FGFR2: variants seen among roughly 807,000 people sequenced by gnomAD.
FGFR2 encodes the protein BEK fibroblast growth factor receptor.
Under a neutral mutation model 95.9 loss-of-function variants are expected in FGFR2, and 19 were observed. The observed-to-expected ratio is 0.20, with a 90% CI of 0.14 to 0.29. The LOEUF (loss-of-function observed/expected upper bound fraction) is 0.29. FGFR2 is among the 10% of genes least tolerant of loss of function. The pLI, the probability that FGFR2 is intolerant of heterozygous loss-of-function variation, is 1.00. For synonymous variants in FGFR2, 392 were observed against 393.3 expected (o/e 1.00, Z 0.04); for missense variants, 707 against 1,056.9 (o/e 0.67, Z 4.59).
At chr10:121,565,349 C>T (rs2135105125) in intron 3 of FGFR2, 89 bp downstream of exon 3, 2 of 1,552,310 alleles carry the variant, frequency 1.3e-6, no homozygotes, top group Non-Finnish European at 1.8e-6. Flanking sequence ...CATCCAATTA[C>T]AATTAGAGAT....
At chr10:121,562,574 C>T (rs567967484) in intron 4 of FGFR2, among the ~76,000 whole-genome samples, 4 of 152,298 alleles carry the variant, frequency 2.6e-5, no homozygotes, top group East Asian at 3.9e-4. Flanking sequence ...GCGTGAGCAA[C>T]GGTGCCCAGC....
chr10:121,589,846 C>G (rs1862368826), intron 2 of FGFR2, among the ~76,000 whole-genome samples: 1 of 152,204 alleles, frequency 6.6e-6, no homozygotes, highest in Non-Finnish European at 1.5e-5. Flanking sequence ...AATATTAACA[C>G]TCATATTGAA....
chr10:121,535,514 C>A (rs1049579579), intron 6 of FGFR2, among the ~76,000 whole-genome samples: 3 of 152,204 alleles, frequency 2.0e-5, no homozygotes, highest in African/African-American at 7.2e-5. Context: ...AAGGAAAGTG[C>A]AATGAGTCAT....
At chr10:121,594,453 T>A (rs552373914) in intron 1 of FGFR2, among the ~76,000 whole-genome samples, 1 of 152,346 alleles carries the variant, frequency 6.6e-6, no homozygotes. Flanking sequence ...GTATTTCTGC[T>A]GGGCTGGAGG....
intron 5 of FGFR2, 151 bp from the exon 6 acceptor site, chr10:121,538,866 G>A (rs561573904): frequency 3.0e-5 from 30 of 995,796 alleles, no homozygotes; most frequent in Non-Finnish European, 3.1e-5. Context: ...ATTAAGAATC[G>A]TGAGAAATGA....
In FGFR2 at chr10:121,520,062, G is replaced by T. The variant is rs778094013; in HGVS notation, c.856C>A (p.Pro286Thr). 1 of 1,614,212 alleles carries T rather than the reference G, an allele frequency of 6.2e-7. No individual in the cohort carries two copies. The highest frequency in any genetic ancestry group is 8.5e-7 in the Non-Finnish European group (1 of 1,180,022). Residue 286 changes from proline (P) to threonine (T), a missense_variant, in exon 7 of 18, where the codon CCC becomes ACC. Transcript: ENST00000358487. ...FVCKVYSDAQ[P>T]HIQWIKHVEK... ...ACGTGCTTGATCCACTGGATGTGGG[G>T]CTGGGCATCACTGTAAACCTTGCAG...
intron 14 of FGFR2, 26 bp downstream of exon 14, chr10:121,487,965 C>T (rs2133833470): frequency 6.2e-7 from 1 of 1,613,958 alleles, no homozygotes. Flanking sequence ...CCGCCCCTGC[C>T]CACTGTGTTA....
chr10:121,504,506 A>C (rs574193668), intron 9 of FGFR2, among the ~76,000 whole-genome samples: 4 of 152,282 alleles, frequency 2.6e-5, no homozygotes, highest in African/African-American at 7.2e-5. Flanking sequence ...CCTTTAACTC[A>C]AAATAACCCC....
intron 2 of FGFR2, among the ~76,000 whole-genome samples, chr10:121,573,285 T>C (rs1457196400): frequency 6.6e-6 from 1 of 152,106 alleles, no homozygotes; most frequent in Non-Finnish European, 1.5e-5. Context: ...AAAAAAGCAG[T>C]TTCTACCAAC....
At chr10:121,510,047 C>G (rs1228619389) in intron 9 of FGFR2, among the ~76,000 whole-genome samples, 1 of 152,126 alleles carries the variant, frequency 6.6e-6, no homozygotes, top group Non-Finnish European at 1.5e-5. Flanking sequence ...GCCCACCACT[C>G]CCCTATGGCC....
chr10:121,500,797 C>T (rs1184920715), intron 11 of FGFR2, 29 bp downstream of exon 11: 2 of 1,612,670 alleles, frequency 1.2e-6, no homozygotes, highest in Admixed American at 3.3e-5. Context: ...CACCCAGCCC[C>T]TCCCCGAGCC....
At chr10:121,541,882 T>G (rs1853809543) in intron 5 of FGFR2, among the ~76,000 whole-genome samples, 1 of 152,366 alleles carries the variant, frequency 6.6e-6, no homozygotes, top group South Asian at 2.1e-4. Flanking sequence ...AGCACACATT[T>G]TTTTTGATCT....
rs1845271244 is a variant in FGFR2, at chr10:121,485,333, G to C, written c.2195+62C>G. 1 of 1,605,520 alleles carries C rather than the reference G, an allele frequency of 6.2e-7. No homozygotes were observed. Among genetic ancestry groups the C allele is most frequent in the Non-Finnish European group, 8.5e-7 (1 of 1,172,670 alleles). The stretch of plus-strand genomic sequence containing the variant: ...GGCCTTCAAAAACGAGATACATCAG[G>C]AGAGGTATTACTGGTGTGGCAAGTC... On this transcript the variant is annotated intron_variant, in intron 16 of 17. Transcript: ENST00000358487. This position sits in a 1 kb window ranked among gnomAD's most constrained non-coding sequence, Gnocchi z 4.2.
intron 16 of FGFR2, 50 bp from the exon 17 acceptor site, chr10:121,483,853 G>C: frequency 7.1e-7 from 1 of 1,406,928 alleles, no homozygotes; most frequent in Non-Finnish European, 1.0e-6. Context: ...CTGGGTACGT[G>C]GTTATAGTCA....
intron 2 of FGFR2, among the ~76,000 whole-genome samples, chr10:121,582,349 G>A (rs1207065410): frequency 1.3e-5 from 2 of 152,072 alleles, no homozygotes; most frequent in Non-Finnish European, 2.9e-5. Context: ...ATTATTTGGG[G>A]AGCAAATGGA....
chr10:121,487,572 C>G, intron 14 of FGFR2, 148 bp from the exon 15 acceptor site: 1 of 715,644 alleles, frequency 1.4e-6, no homozygotes, highest in Non-Finnish European at 2.5e-6. Flanking sequence ...CAATGAGGAC[C>G]ATGAACAATG....
chr10:121,511,834 T>C (rs1849093970), intron 9 of FGFR2, among the ~76,000 whole-genome samples: 1 of 152,246 alleles, frequency 6.6e-6, no homozygotes, highest in African/African-American at 2.4e-5. Context: ...AGGAATTTCT[T>C]CTTTGGTACT....
intron 2 of FGFR2, among the ~76,000 whole-genome samples, chr10:121,571,556 C>G (rs1442097931): frequency 6.6e-6 from 1 of 151,934 alleles, no homozygotes; most frequent in Non-Finnish European, 1.5e-5. Context: ...ATCCACCTGC[C>G]TCCGCCTCCC....
At chr10:121,504,723 C>A (rs529854341) in intron 9 of FGFR2, among the ~76,000 whole-genome samples, 1 of 152,286 alleles carries the variant, frequency 6.6e-6, no homozygotes, top group East Asian at 1.9e-4. Context: ...CCTGGCAGTA[C>A]ACAGGGCTCC....
Sources: allele counts gnomAD v4.1 joint callset (sites outside exome capture counted in the v4.1 genomes callset), GRCh38; gene constraint gnomAD v4.1.1; non-coding constraint Gnocchi (gnomAD v3.1); transcripts MANE v1.5; gene names NCBI Gene and HGNC (gene_info 2026-07-23, HGNC 2026-07-21).